Variants in PCDH15 observed in about 807,000 individuals in gnomAD.
PCDH15 encodes the protein protocadherin-15.
A neutral mutation model predicts 178.5 loss-of-function variants in PCDH15; 129 were observed. That is an observed-to-expected ratio of 0.72 (90% confidence interval 0.63 to 0.84). The LOEUF (loss-of-function observed/expected upper bound fraction) is 0.84, where lower values mean the gene tolerates loss of function less well. Among genes scored for constraint, PCDH15 ranks in the 40% least tolerant of loss-of-function variants. The pLI is 0.00. For missense variants in PCDH15, 2,230 were observed against 2,099.9 expected, an observed-to-expected ratio of 1.06 and a Z score of -1.21; for synonymous variants, 800 against 732.0, an observed-to-expected ratio of 1.09 and a Z score of -1.50.
chr10:54,037,501 T>G (rs542821808), intron 18 of PCDH15, among the ~76,000 whole-genome samples: 14 of 151,944 alleles, frequency 9.2e-5, no homozygotes, highest in African/African-American at 3.4e-4. Flanking sequence ...AGTATTTTTT[T>G]AAGCCATAAA....
intron 8 of PCDH15, among the ~76,000 whole-genome samples, chr10:54,308,279 T>G (rs556897631): frequency 6.6e-6 from 1 of 152,152 alleles, no homozygotes; most frequent in South Asian, 2.1e-4. Context: ...TTGTGTGTGT[T>G]TCATAGAAAA....
At chr10:55,139,415 T>C (rs997116692) in intron 2 of PCDH15, among the ~76,000 whole-genome samples, 2 of 152,076 alleles carry the variant, frequency 1.3e-5, no homozygotes, top group Non-Finnish European at 2.9e-5. Flanking sequence ...TATAGTTTTG[T>C]ATTTTAGATA....
At chr10:55,291,509 G>A (rs1176157424) in intron 1 of PCDH15, among the ~76,000 whole-genome samples, 2 of 152,162 alleles carry the variant, frequency 1.3e-5, no homozygotes, top group African/African-American at 4.8e-5. Context: ...ACTGAAATGA[G>A]AAATGGAAAG....
chr10:55,144,990 G>C (rs2995816), intron 2 of PCDH15, among the ~76,000 whole-genome samples: 137,102 of 151,944 alleles, frequency 0.9, 62,529 homozygotes, highest in Non-Finnish European at 0.97. Context: ...AAATGCATTT[G>C]GATTATAACT....
chr10:54,615,222 C>G (rs1274816166), intron 2 of PCDH15, among the ~76,000 whole-genome samples: 1 of 151,954 alleles, frequency 6.6e-6, no homozygotes, highest in Admixed American at 6.6e-5. Flanking sequence ...TGAGTTTATA[C>G]AGTAGAAAAT....
chr10:53,863,255 T>C (rs1335628490), intron 27 of PCDH15, among the ~76,000 whole-genome samples: 1 of 152,110 alleles, frequency 6.6e-6, no homozygotes, highest in Non-Finnish European at 1.5e-5. Flanking sequence ...AAAAGAGATT[T>C]AATGTCTGAG....
chr10:54,659,429 T>C (rs1353554251), intron 2 of PCDH15, among the ~76,000 whole-genome samples: 1 of 152,130 alleles, frequency 6.6e-6, no homozygotes, highest in Admixed American at 6.6e-5. Flanking sequence ...ATGCCAGTTA[T>C]CTTCTCAGAT....
chr10:54,594,134 A>G (rs568527989), intron 2 of PCDH15, among the ~76,000 whole-genome samples: 31 of 152,258 alleles, frequency 2.0e-4, no homozygotes, highest in Non-Finnish European at 4.4e-4. Flanking sequence ...CACTCTCACC[A>G]TGAGCCTCTG....
At chr10:54,787,207 G>A (rs763884890) in intron 1 of PCDH15, among the ~76,000 whole-genome samples, 22 of 151,444 alleles carry the variant, frequency 1.5e-4, no homozygotes, top group Non-Finnish European at 2.9e-4. Flanking sequence ...TATGCTAAAA[G>A]CAGGGTATAA....
chr10:55,145,229 G>A (rs1591939306), intron 2 of PCDH15, among the ~76,000 whole-genome samples: 1 of 151,984 alleles, frequency 6.6e-6, no homozygotes, highest in Middle Eastern at 3.2e-3. Flanking sequence ...GCTCAGAGGA[G>A]GACCAGGTTT....
chr10:53,814,208 T>C (rs1237231670), intron 35 of PCDH15, among the ~76,000 whole-genome samples: 2 of 152,214 alleles, frequency 1.3e-5, no homozygotes, highest in South Asian at 2.1e-4. Flanking sequence ...CCAATGCACG[T>C]TTAATTAAAT....
At chr10:55,029,397 T>C (rs1840555454) in intron 2 of PCDH15, among the ~76,000 whole-genome samples, 1 of 152,068 alleles carries the variant, frequency 6.6e-6, no homozygotes. Flanking sequence ...AGATGTAGTG[T>C]GGTGCTGACA....
At chr10:54,585,523 AT>A (rs1218302848) in intron 2 of PCDH15, 87 of 246,036 alleles carry the variant, frequency 3.5e-4, no homozygotes, top group South Asian at 9.1e-4. Context: ...ACAATTTTTA[AT>A]TTTTTTTAAC....
chr10:54,457,423 T>G (rs972175430), intron 3 of PCDH15, among the ~76,000 whole-genome samples: 2 of 152,200 alleles, frequency 1.3e-5, no homozygotes, highest in African/African-American at 4.8e-5. Context: ...TTTATTCTTC[T>G]GCTAACGTCA....
Position 53,805,477 on chromosome 10 carries a change from A to T in PCDH15, c.*1102T>A, listed in dbSNP as rs1380284629. 1 of 152,136 alleles carries T rather than the reference A, an allele frequency of 6.6e-6. No individual in the cohort carries two copies. Among genetic ancestry groups the T allele is most frequent in the Non-Finnish European group, 1.5e-5 (1 of 68,002 alleles). 9.4% of individuals were successfully genotyped at this position (152,136 alleles called of 1,614,324 possible). On this transcript the variant is annotated 3_prime_UTR_variant, in exon 38 of 38. Coordinates refer to ENST00000644397, the MANE Select transcript of PCDH15 (RefSeq NM_001384140.1). The stretch of plus-strand genomic sequence containing the variant: ...TCAAGACCATGTTCTTTGATTTTAA[A>T]AAATGCCCAGGCAATGATTTCCTGG...
chr10:55,149,173 C>CA (rs149302633), intron 2 of PCDH15, among the ~76,000 whole-genome samples: 55,309 of 150,956 alleles, frequency 0.37, 10,510 homozygotes, highest in Admixed American at 0.46. Context: ...ACTTAAATGA[C>CA]AGAAAACATG....
chr10:53,999,997 A>G (rs2092047973), intron 20 of PCDH15, among the ~76,000 whole-genome samples: 1 of 152,110 alleles, frequency 6.6e-6, no homozygotes, highest in Admixed American at 6.5e-5. Context: ...GTGGCTCCAA[A>G]CAGAGACACT....
intron 3 of PCDH15, among the ~76,000 whole-genome samples, chr10:54,491,717 T>C (rs2079612012): frequency 6.6e-6 from 1 of 152,226 alleles, no homozygotes; most frequent in African/African-American, 2.4e-5. Context: ...TGCTTTTTAC[T>C]ACTTTAAGCT....
At chr10:54,499,538 A>G (rs1170715391) in intron 3 of PCDH15, among the ~76,000 whole-genome samples, 1 of 152,166 alleles carries the variant, frequency 6.6e-6, no homozygotes, top group Non-Finnish European at 1.5e-5. Context: ...CCATAAAACT[A>G]TATGGAAATT....
Sources: gnomAD v4.1 joint callset for allele counts (sites outside exome capture counted in the v4.1 genomes callset) on GRCh38, gnomAD v4.1.1 for gene constraint, MANE v1.5 for transcripts, NCBI Gene and HGNC (gene_info 2026-07-23, HGNC 2026-07-21) for gene names.